Variants in JADE3 observed in about 807,000 individuals in gnomAD.
JADE3 encodes protein Jade-3.
Under a neutral mutation model 50.1 loss-of-function variants are expected in JADE3, and 2 were observed. The ratio of observed to expected loss-of-function variants is 0.04; its 90% confidence interval spans 0.02 to 0.13. The LOEUF (loss-of-function observed/expected upper bound fraction) is 0.13. JADE3 is among the 10% of genes least tolerant of loss of function. JADE3 has a pLI of 1.00. For missense variants in JADE3, 475 were observed against 634.4 expected (o/e 0.75, Z 2.70); for synonymous variants, 218 against 232.9 (o/e 0.94, Z 0.58).
chrX:47,017,427 T>C (rs1339752758), intron 4 of JADE3, among the ~76,000 whole-genome samples: 5 of 112,088 alleles, frequency 4.5e-5, no homozygotes, highest in Non-Finnish European at 7.5e-5. Flanking sequence ...TCTATTGCAG[T>C]AAGATTCCAA....
chrX:47,051,823 C>A (rs1336673106), intron 8 of JADE3, among the ~76,000 whole-genome samples: 1 of 101,289 alleles, frequency 9.9e-6, no homozygotes, highest in Non-Finnish European at 2.0e-5. Flanking sequence ...AGGCCTGGCA[C>A]AGTGGCTTAT....
chrX:46,958,816 C>G (rs1927190109), intron 1 of JADE3, among the ~76,000 whole-genome samples: 1 of 111,962 alleles, frequency 8.9e-6, no homozygotes, highest in African/African-American at 3.2e-5. Context: ...CTCTCTGTAG[C>G]CTATTGGGAG....
chrX:47,059,455 C>G lies in JADE3; in HGVS notation c.*378C>G, dbSNP rs1360411007. 7.8e-6 allele frequency: 1 copy of G among 127,533 alleles called. No homozygotes were observed. The highest frequency in any genetic ancestry group is 3.2e-5 in the African/African-American group (1 of 31,301). The allele number at this position is 127,533 out of a possible 1,213,427, so 10.5% of individuals were successfully genotyped here. ...ATTATCAGACACTAAAACTACTTATCTTTTGAAGCTACAGCATGTGACTCC... is the reference window on the plus strand; with the variant it reads ...ATTATCAGACACTAAAACTACTTATGTTTTGAAGCTACAGCATGTGACTCC... On this transcript the variant is annotated 3_prime_UTR_variant, in exon 11 of 11. Coordinates refer to ENST00000614628, the MANE Select transcript of JADE3 (RefSeq NM_014735.5).
chrX:47,010,344 T>C (rs1382890785), intron 4 of JADE3, among the ~76,000 whole-genome samples: 1 of 111,489 alleles, frequency 9.0e-6, no homozygotes, highest in Non-Finnish European at 1.9e-5. Context: ...TTCTCCTGCC[T>C]CAGCCTCCCG....
chrX:47,036,501 A>G lies in JADE3; in HGVS notation c.856-2448A>G, dbSNP rs782145168. On this transcript the variant is annotated intron_variant, in intron 7 of 10. Transcript: ENST00000614628. The stretch of plus-strand genomic sequence containing the variant: ...TGTGGAGAAATAGGAACACTTTTAC[A>G]CTGTTGGTGGGACTGTAAACTAGTT... 5.1e-3 allele frequency among the ~76,000 whole-genome samples: 553 copies of G among 107,623 alleles called. 3 individuals are homozygous for G. Among genetic ancestry groups the G allele is most frequent in the Non-Finnish European group, 7.7e-3 (402 of 51,970 alleles). The allele number at this position is 107,623 out of a possible 115,157, so 93.5% of individuals were successfully genotyped here.
At chrX:46,972,609 T>G (rs1258686101) in intron 1 of JADE3, among the ~76,000 whole-genome samples, 2 of 111,489 alleles carry the variant, frequency 1.8e-5, no homozygotes, top group East Asian at 5.6e-4. Context: ...CTTTCTGTTT[T>G]TTTCTTTTTT....
At chrX:46,934,000 T>A (rs1926552241) in intron 1 of JADE3, among the ~76,000 whole-genome samples, 1 of 112,350 alleles carries the variant, frequency 8.9e-6, no homozygotes, top group South Asian at 3.7e-4. Context: ...TTGGGTTGTT[T>A]CTTACTGTTG....
At position 47,058,767 on chromosome X, in the gene JADE3, A is replaced by G. The variant is rs1228992363; in HGVS notation, c.2162A>G (p.Asn721Ser). The change falls in exon 11 of 11, where the codon AAT (asparagine) becomes AGT (serine). Residue 721 changes from asparagine (N) to serine (S), a missense_variant. Physicochemically the swap from Asn to Ser is conservative, Grantham distance 46. Transcript: ENST00000614628. ...AGTAGGTCCTTTAAAGAGACCACCA[A>G]TAGGTGGGTGAAGAACACAGAGGAC... ...HFSRSFKETT[N>S]RWVKNTEDLQ... 2.5e-6 allele frequency: 3 copies of G among 1,207,983 alleles called. No homozygotes were observed. In the African/African-American group the frequency reaches 5.3e-5, roughly 21 times the overall value.
intron 4 of JADE3, among the ~76,000 whole-genome samples, chrX:47,001,019 C>A (rs1191291998): frequency 3.6e-5 from 4 of 111,776 alleles, no homozygotes; most frequent in African/African-American, 1.3e-4. Context: ...TTCTGTTTCC[C>A]ATAGTTCTTT....
intron 10 of JADE3, 126 bp from the exon 11 acceptor site, chrX:47,058,041 C>A (rs782714847): frequency 4.2e-5 from 23 of 548,658 alleles, no homozygotes; most frequent in Admixed American, 1.1e-4. Context: ...CCATGATATA[C>A]ATACATAGCA....
At chrX:47,022,678 T>G (rs948176270) in intron 4 of JADE3, among the ~76,000 whole-genome samples, 2 of 112,175 alleles carry the variant, frequency 1.8e-5, no homozygotes, top group Non-Finnish European at 3.8e-5. Context: ...TGTGTTTATT[T>G]CTTTTTTTAG....
rs202130393 is a variant in JADE3 at position 47,024,764 on chromosome X, C to A, written c.325C>A (p.Pro109Thr). 157 of 1,197,982 alleles carry A rather than the reference C, an allele frequency of 1.3e-4. No homozygotes were observed. The East Asian group carries it at 4.3e-3, about 33-fold the overall frequency. ...EKVKDVLFIR[P>T]RKYIHCSSPD... ...GGTAAAGGACGTTCTGTTTATCCGA[C>A]CCCGGAAGTATATTCACTGCTCCAG... Residue 109 changes from proline (P) to threonine (T), a missense_variant, in exon 5 of 11, where the codon CCC (proline) becomes ACC (threonine). Pro to Thr is a conservative substitution (Grantham distance 38). This residue lies in a region of JADE3 where 54 missense variants were observed against 51.8 expected (regional missense o/e 1.04). Coordinates refer to ENST00000614628, the MANE Select transcript of JADE3 (RefSeq NM_014735.5).
chrX:46,929,481 GCTA>G (rs1312838993), intron 1 of JADE3, among the ~76,000 whole-genome samples: 1 of 111,289 alleles, frequency 9.0e-6, no homozygotes, highest in African/African-American at 3.3e-5. Flanking sequence ...TTGTCTCTAG[GCTA>G]CTTTCTTCCC....
Position 46,994,708 on chromosome X carries a change from C to T in JADE3, c.127-3412C>T, listed in dbSNP as rs367559980. Reference sequence around the variant, plus strand: ...GCTGTGAACTCATATCTCTCTTACCCCATCAACAATTACTTTGTGGACTAT... The same window carrying T: ...GCTGTGAACTCATATCTCTCTTACCTCATCAACAATTACTTTGTGGACTAT... On this transcript the variant is annotated intron_variant, in intron 3 of 10. Coordinates refer to ENST00000614628, the MANE Select transcript of JADE3 (RefSeq NM_014735.5). Among the ~76,000 whole-genome samples the T allele has an allele frequency of 6.3e-5, 7 of 111,801 alleles. No homozygotes were observed. In the East Asian group the frequency reaches 2.0e-3, roughly 31 times the overall value.
In JADE3 at chrX:47,060,563, G is replaced by T. The variant is rs1413955755; in HGVS notation, c.*1486G>T. On this transcript the variant is annotated 3_prime_UTR_variant, in exon 11 of 11. Transcript: ENST00000614628. ...TTGTGTTCTTGTAACGTTGTTAATG[G>T]GTTCCTTTGCTTTTTGCTTTCTCCT... is the stretch of plus-strand genomic sequence containing the variant. 9.0e-6 allele frequency: 1 copy of T among 111,660 alleles called. No homozygotes were observed. Among genetic ancestry groups the T allele is most frequent in the African/African-American group, 3.3e-5 (1 of 30,707 alleles). 9.2% of individuals were successfully genotyped at this position (111,660 alleles called of 1,213,427 possible).
chrX:46,945,108 T>G (rs1436068594), intron 1 of JADE3, among the ~76,000 whole-genome samples: 12 of 108,989 alleles, frequency 1.1e-4, no homozygotes, highest in Non-Finnish European at 2.1e-4. Context: ...CCTCCCACCT[T>G]GACCTCCCAA....
At position 46,984,748 on chromosome X, in the gene JADE3, G is replaced by C. The variant is rs141634952; in HGVS notation, c.-11-136G>C. The C allele has an allele frequency of 4.7e-5, 23 of 486,331 alleles. No individual in the cohort carries two copies. The East Asian group carries it at 8.5e-4, about 18-fold the overall frequency. The allele number at this position is 486,331 out of a possible 1,213,427, so 40.1% of individuals were successfully genotyped here. On this transcript the variant is annotated intron_variant, in intron 1 of 10. Coordinates refer to ENST00000614628, the MANE Select transcript of JADE3 (RefSeq NM_014735.5). ...CTTCTGTCATTATTCTAAGTCATTT[G>C]AGAATATTCTTGACAAAAATCATTC...
intron 1 of JADE3, among the ~76,000 whole-genome samples, chrX:46,967,523 G>A (rs1223417222): frequency 9.0e-6 from 1 of 111,596 alleles, no homozygotes; most frequent in Non-Finnish European, 1.9e-5. Flanking sequence ...CTAGGGCCAA[G>A]GGGAGGTAAT....
In JADE3 at chrX:47,058,697, T is replaced by C; in HGVS notation, c.2092T>C (p.Leu698=). 1 of 1,211,371 alleles carries C rather than the reference T, an allele frequency of 8.3e-7. No homozygotes were observed. The change falls in exon 11 of 11, where the codon TTG becomes CTG. Residue 698 remains leucine (L), a synonymous_variant. Transcript: ENST00000614628. ...CDQEPVFSPH[L]VSQGSFRKST... is the part of the protein sequence containing the mutation. ...CCAGGAGCCTGTGTTCAGCCCCCAC[T>C]TGGTCAGTCAGGGCAGCTTTAGAAA...
Sources: allele counts gnomAD v4.1 joint callset (sites outside exome capture counted in the v4.1 genomes callset), GRCh38; gene constraint gnomAD v4.1.1; regional missense constraint gnomAD v4.1.1; transcripts MANE v1.5; gene names NCBI Gene and HGNC (gene_info 2026-07-23, HGNC 2026-07-21).